BCR: variants seen among roughly 807,000 people sequenced by gnomAD.
The protein encoded by BCR is BCR activator of RhoGEF and GTPase.
A neutral mutation model predicts 138.6 loss-of-function variants in BCR; 58 were observed. The observed-to-expected ratio is 0.42, with a 90% CI of 0.34 to 0.52. The LOEUF (loss-of-function observed/expected upper bound fraction) is 0.52, where lower values mean the gene tolerates loss of function less well. Among genes scored for constraint, BCR ranks in the 20% least tolerant of loss-of-function variants. BCR has a pLI of 0.06. For missense variants in BCR, 1,599 were observed against 1,727.2 expected, an observed-to-expected ratio of 0.93 and a Z score of 1.32; for synonymous variants, 786 against 730.1, an observed-to-expected ratio of 1.08 and a Z score of -1.23.
chr22:23,197,719 G>A (rs2072500033), intron 1 of BCR, among the ~76,000 whole-genome samples: 1 of 151,952 alleles, frequency 6.6e-6, no homozygotes, highest in African/African-American at 2.4e-5. Flanking sequence ...GCTGGAGAGG[G>A]GATGCCTTTG....
At chr22:23,208,811 G>T (rs969491011) in intron 1 of BCR, among the ~76,000 whole-genome samples, 1 of 151,968 alleles carries the variant, frequency 6.6e-6, no homozygotes, top group Non-Finnish European at 1.5e-5. Context: ...ACTGAGATCG[G>T]TCCACTGCAC....
At chr22:23,296,337 G>C (rs2073845009) in intron 16 of BCR, among the ~76,000 whole-genome samples, 1 of 135,406 alleles carries the variant, frequency 7.4e-6, no homozygotes, top group Admixed American at 8.6e-5. Flanking sequence ...TCACACCGCT[G>C]ATCTCTAGCC....
At position 23,314,657 on chromosome 22, in the gene BCR, C is replaced by T; in HGVS notation, c.3669C>T (p.Ala1223=). The T allele has an allele frequency of 6.2e-7, 1 of 1,611,942 alleles. No homozygotes were observed. The highest frequency in any genetic ancestry group is 8.5e-7 in the Non-Finnish European group (1 of 1,179,838). ...RPSEKESKLP[A]NPSQPITMTD... ...CCGAGAAGGAGAGCAAGCTCCCTGC[C>T]AACCCCAGCCAGCCTATCACCATGA... is the stretch of plus-strand genomic sequence containing the variant. Residue 1223 remains alanine (A), a synonymous_variant, in exon 22 of 23, where the codon GCC becomes GCT. Transcript: ENST00000305877.
chr22:23,265,570 C>T (rs759729696), intron 4 of BCR, among the ~76,000 whole-genome samples: 9 of 152,360 alleles, frequency 5.9e-5, no homozygotes, highest in Middle Eastern at 3.4e-3. Context: ...TGGGGCTGCA[C>T]GGGCTGACTT....
At chr22:23,223,415 T>G (rs992944478) in intron 1 of BCR, among the ~76,000 whole-genome samples, 3 of 152,220 alleles carry the variant, frequency 2.0e-5, no homozygotes, top group Non-Finnish European at 1.5e-5. Flanking sequence ...GCCTTGAGGC[T>G]GGGCTTTGGG....
At position 23,181,606 on chromosome 22, in the gene BCR, C is replaced by CGAGCCCG. The variant is rs2072263002; in HGVS notation, c.646_647insGAGCCCG (p.Gln216ArgfsTer54). Reference sequence around the variant, plus strand: ...CATGCAGATGGAGCGCAAAAAGTCCCAGCACGGCGCGGGCTCGAGCGTGGG... The same window carrying CGAGCCCG: ...CATGCAGATGGAGCGCAAAAAGTCCCGAGCCCGAGCACGGCGCGGGCTCGAGCGTGGG... On this transcript the variant is annotated frameshift_variant, in exon 1 of 23. Transcript: ENST00000305877. LOFTEE classifies it high-confidence loss of function. The CGAGCCCG allele has an allele frequency of 6.2e-7, 1 of 1,612,288 alleles. No homozygotes were observed. The highest frequency in any genetic ancestry group is 1.7e-5 in the Admixed American group (1 of 60,010).
At chr22:23,263,446 A>AG in intron 4 of BCR, 1 of 1,395,924 alleles carries the variant, frequency 7.2e-7, no homozygotes, top group Non-Finnish European at 1.0e-6. Context: ...TGCTGCCGAG[A>AG]GGGGATTCTG....
intron 8 of BCR, among the ~76,000 whole-genome samples, chr22:23,278,741 A>G (rs1447404741): frequency 6.6e-6 from 1 of 152,212 alleles, no homozygotes; most frequent in Non-Finnish European, 1.5e-5. Context: ...CTCAAAAAAA[A>G]AGAGTTGGAA....
At chr22:23,253,365 G>A (rs147627848) in intron 1 of BCR, among the ~76,000 whole-genome samples, 246 of 152,162 alleles carry the variant, frequency 1.6e-3, no homozygotes, top group African/African-American at 5.4e-3. Context: ...CTCTCTAATC[G>A]TGTGGTTGGT....
intron 3 of BCR, 54 bp downstream of exon 3, chr22:23,261,108 TG>T: frequency 6.5e-7 from 1 of 1,549,224 alleles, no homozygotes. Context: ...GTGACAGGGT[TG>T]GGGAGCCTCT....
At chr22:23,244,917 T>G (rs2146258959) in intron 1 of BCR, among the ~76,000 whole-genome samples, 1 of 152,292 alleles carries the variant, frequency 6.6e-6, no homozygotes, top group African/African-American at 2.4e-5. Flanking sequence ...CCTCCGGGAA[T>G]GACTGGGAGC....
At chr22:23,261,289 C>A in intron 3 of BCR, 66 bp from the exon 4 acceptor site, 1 of 1,499,950 alleles carries the variant, frequency 6.7e-7, no homozygotes, top group South Asian at 1.2e-5. Context: ...TGTCTACTGC[C>A]ATACAATGCA....
At chr22:23,203,334 T>C (rs76387587) in intron 1 of BCR, among the ~76,000 whole-genome samples, 8,532 of 152,006 alleles carry the variant, frequency 0.056, 816 homozygotes, top group African/African-American at 0.2. Flanking sequence ...TGCCTGCTCT[T>C]TTTTGACTTT....
intron 4 of BCR, chr22:23,263,952 A>T (rs2073404228): frequency 1.1e-6 from 1 of 909,394 alleles, no homozygotes. Context: ...CTGGGACCTC[A>T]ACAGTGGGCA....
intron 1 of BCR, among the ~76,000 whole-genome samples, chr22:23,237,853 C>A (rs2073044080): frequency 6.6e-6 from 1 of 152,220 alleles, no homozygotes; most frequent in South Asian, 2.1e-4. Context: ...GTGGAGCCCT[C>A]AGCCTCACAC....
intron 1 of BCR, among the ~76,000 whole-genome samples, chr22:23,203,463 T>C (rs1053851678): frequency 5.9e-5 from 9 of 152,252 alleles, no homozygotes; most frequent in African/African-American, 2.2e-4. Flanking sequence ...GGGATTTTCA[T>C]TCCAGAGAAG....
chr22:23,244,629 G>A (rs1482605758), intron 1 of BCR, among the ~76,000 whole-genome samples: 1 of 152,200 alleles, frequency 6.6e-6, no homozygotes, highest in African/African-American at 2.4e-5. Flanking sequence ...CATGGGCAGG[G>A]GCTGGGTGTG....
Position 23,316,980 on chromosome 22 carries a change from C to G in BCR, c.*1458C>G, listed in dbSNP as rs2074079193. 1.4e-5 allele frequency: 2 copies of G among 145,150 alleles called. No homozygotes were observed. The highest frequency in any genetic ancestry group is 7.4e-5 in the African/African-American group (2 of 26,964). The allele number at this position is 145,150 out of a possible 1,614,324, so 9.0% of individuals were successfully genotyped here. On this transcript the variant is annotated 3_prime_UTR_variant, in exon 23 of 23. Transcript: ENST00000305877. The stretch of plus-strand genomic sequence containing the variant: ...AGAGCCAAGTTTCCACACGGTCCTG[C>G]AGGAGGAGAGGATGCAGCTGCCCAG...
chr22:23,308,937 TTC>T (rs1354680303), intron 16 of BCR, among the ~76,000 whole-genome samples: 1 of 152,088 alleles, frequency 6.6e-6, no homozygotes, highest in Non-Finnish European at 1.5e-5. Context: ...CTGGGCCTGA[TTC>T]TGAACCATGG....
Sources: allele counts gnomAD v4.1 joint callset (sites outside exome capture counted in the v4.1 genomes callset), GRCh38; gene constraint gnomAD v4.1.1; transcripts MANE v1.5; gene names NCBI Gene and HGNC (gene_info 2026-07-23, HGNC 2026-07-21).